The following MDGA2 variants were observed in gnomAD, a reference collection of about 807,000 sequenced individuals.
The protein encoded by MDGA2 is MAM domain-containing glycosylphosphatidylinositol anchor protein 2.
A neutral mutation model predicts 117.8 loss-of-function variants in MDGA2; 40 were observed. That is an observed-to-expected ratio of 0.34 (90% CI 0.26 to 0.44). The LOEUF is 0.44. Ranked by LOEUF, MDGA2 falls within the 20% of genes least tolerant of loss-of-function variation. The pLI is 1.00. For synonymous variants in MDGA2, 452 were observed against 439.0 expected (o/e 1.03, Z -0.37); for missense variants, 1,123 against 1,250.6 (o/e 0.90, Z 1.54).
chr14:47,102,800 C>A (rs770187516), intron 5 of MDGA2, among the ~76,000 whole-genome samples: 17 of 152,320 alleles, frequency 1.1e-4, no homozygotes, highest in Non-Finnish European at 1.5e-4. Flanking sequence ...TGGTCGAACA[C>A]ATTCCTGCAT....
chr14:46,852,500 AAAAG>A (rs1331366270), intron 15 of MDGA2, among the ~76,000 whole-genome samples: 2 of 151,896 alleles, frequency 1.3e-5, no homozygotes, highest in African/African-American at 4.8e-5. Context: ...GTGGCAGAGA[AAAAG>A]AAAGAGAGAG....
chr14:47,059,873 G>A (rs1372439274), intron 7 of MDGA2, among the ~76,000 whole-genome samples: 1 of 152,032 alleles, frequency 6.6e-6, no homozygotes, highest in Non-Finnish European at 1.5e-5. Flanking sequence ...TACAAAATTT[G>A]CTCTTACTCT....
intron 2 of MDGA2, among the ~76,000 whole-genome samples, chr14:47,278,755 T>G (rs1244695460): frequency 6.6e-6 from 1 of 152,174 alleles, no homozygotes; most frequent in Admixed American, 6.5e-5. Context: ...GAAATGTATA[T>G]AATAAAAAGT....
At chr14:47,540,540 G>GTGTGTGTATATATATA in intron 1 of MDGA2, among the ~76,000 whole-genome samples, 15 of 79,200 alleles carry the variant, frequency 1.9e-4, no homozygotes, top group African/African-American at 5.9e-4. Flanking sequence ...GTGTGTGTGT[G>GTGTGTGTATATATATA]TATATATATA....
intron 2 of MDGA2, among the ~76,000 whole-genome samples, chr14:47,300,410 C>T (rs1566727945): frequency 6.6e-6 from 1 of 152,042 alleles, no homozygotes; most frequent in Non-Finnish European, 1.5e-5. Context: ...TAGATTGTTG[C>T]ATCATATATA....
At position 47,328,766 on chromosome 14, in the gene MDGA2, C is replaced by T. The variant is rs192635532; in HGVS notation, c.281-27216G>A. ...AATTCACATTATAAATATGAGACAA[C>T]GAAGAGAAGCAAGCAAACTGAGTGA... On this transcript the variant is annotated intron_variant, in intron 1 of 16. Transcript: ENST00000399232. Among the ~76,000 whole-genome samples, 694 of 152,110 alleles carry T rather than the reference C, an allele frequency of 4.6e-3. 3 individuals are homozygous for T. The highest frequency in any genetic ancestry group is 9.8e-3 in the African/African-American group (408 of 41,478).
intron 5 of MDGA2, among the ~76,000 whole-genome samples, chr14:47,100,903 T>C (rs1240859958): frequency 6.6e-6 from 1 of 152,090 alleles, no homozygotes; most frequent in African/African-American, 2.4e-5. Context: ...TAAAAATGAC[T>C]ATGGTGCCAG....
intron 1 of MDGA2, among the ~76,000 whole-genome samples, chr14:47,631,989 C>T (rs1897255001): frequency 1.3e-5 from 2 of 151,610 alleles, no homozygotes; most frequent in South Asian, 2.1e-4. Flanking sequence ...ATGTATGACC[C>T]AAGATGAAGG....
In MDGA2 at chr14:47,170,695, CAG is replaced by C. The variant is rs559942950; in HGVS notation, c.596-26423_596-26422del. ...CAAGTTTATACAAAACAATTAGATA[CAG>C]AGTTATCATATTAAAATGACAAAAG... On this transcript the variant is annotated intron_variant, in intron 3 of 16. Coordinates refer to ENST00000399232, the MANE Select transcript of MDGA2 (RefSeq NM_001113498.3). Among the ~76,000 whole-genome samples the C allele has an allele frequency of 7.9e-3, 1,203 of 152,126 alleles. 7 individuals carry two copies. Among genetic ancestry groups the C allele is most frequent in the Non-Finnish European group, 0.014 (921 of 67,956 alleles).
chr14:47,351,758 G>A (rs558833732), intron 1 of MDGA2, among the ~76,000 whole-genome samples: 7 of 152,116 alleles, frequency 4.6e-5, no homozygotes, highest in East Asian at 1.9e-4. Flanking sequence ...AGCAGAAATC[G>A]TTTCACAGAT....
chr14:47,133,264 CTT>C (rs1265271870), intron 4 of MDGA2, among the ~76,000 whole-genome samples: 1 of 151,850 alleles, frequency 6.6e-6, no homozygotes, highest in African/African-American at 2.4e-5. Flanking sequence ...AAACTATTCT[CTT>C]GTGTTACAGA....
chr14:47,510,206 A>T (rs1894609824), intron 1 of MDGA2, among the ~76,000 whole-genome samples: 1 of 152,132 alleles, frequency 6.6e-6, no homozygotes, highest in Non-Finnish European at 1.5e-5. Flanking sequence ...CCACATAAGG[A>T]TGAAGCAAGA....
At chr14:46,989,329 A>G (rs1307185482) in intron 8 of MDGA2, among the ~76,000 whole-genome samples, 1 of 148,176 alleles carries the variant, frequency 6.7e-6, no homozygotes, top group African/African-American at 2.6e-5. Flanking sequence ...CTGGAAAAAA[A>G]AAAGGGGGGT....
intron 8 of MDGA2, among the ~76,000 whole-genome samples, chr14:46,974,679 A>G (rs539219434): frequency 1.4e-3 from 216 of 152,264 alleles, no homozygotes; most frequent in African/African-American, 4.9e-3. Flanking sequence ...TCACATGCAA[A>G]AGAATTAAGT....
At chr14:47,221,867 C>T (rs1187696072) in intron 2 of MDGA2, among the ~76,000 whole-genome samples, 5 of 151,356 alleles carry the variant, frequency 3.3e-5, no homozygotes, top group South Asian at 2.1e-4. Flanking sequence ...ATTTGGGGTA[C>T]GATGTGATGT....
chr14:47,361,087 A>G (rs1286349731), intron 1 of MDGA2, among the ~76,000 whole-genome samples: 2 of 152,084 alleles, frequency 1.3e-5, no homozygotes, highest in Non-Finnish European at 2.9e-5. Context: ...CTCTTGCCAC[A>G]CCAAAAAATT....
intron 1 of MDGA2, among the ~76,000 whole-genome samples, chr14:47,363,599 C>G (rs1410899186): frequency 6.6e-6 from 1 of 152,068 alleles, no homozygotes; most frequent in Non-Finnish European, 1.5e-5. Flanking sequence ...ACACAAATTT[C>G]AAACAGCTTC....
At chr14:47,319,306 G>T (rs1016056019) in intron 1 of MDGA2, among the ~76,000 whole-genome samples, 2 of 152,102 alleles carry the variant, frequency 1.3e-5, no homozygotes, top group Admixed American at 1.3e-4. Flanking sequence ...TCTTCTGTGA[G>T]TGTACATTTC....
chr14:47,270,681 T>C (rs766453443), intron 2 of MDGA2, among the ~76,000 whole-genome samples: 1 of 152,084 alleles, frequency 6.6e-6, no homozygotes, highest in South Asian at 2.1e-4. Flanking sequence ...TACAAAAACT[T>C]CTTAAATATT....
Sources: gnomAD v4.1 joint callset for allele counts (sites outside exome capture counted in the v4.1 genomes callset) on GRCh38, gnomAD v4.1.1 for gene constraint, MANE v1.5 for transcripts, NCBI Gene and HGNC (gene_info 2026-07-23, HGNC 2026-07-21) for gene names.